Variants in KRR1 observed in about 807,000 individuals in gnomAD.
KRR1 encodes KRR1 small subunit processome component, also known as KRR1 small subunit processome component homolog.
A neutral mutation model predicts 50.0 loss-of-function variants in KRR1; 23 were observed. That is an observed-to-expected ratio of 0.46 (90% confidence interval 0.33 to 0.65). KRR1 has a LOEUF of 0.65. Among genes scored for constraint, KRR1 ranks in the 30% least tolerant of loss-of-function variants. The pLI is 0.02. For synonymous variants in KRR1, 133 were observed against 146.3 expected (o/e 0.91, Z 0.66); for missense variants, 419 against 442.4 (o/e 0.95, Z 0.47).
chr12:75,491,102 T>C lies in KRR1; in HGVS notation c.*8707A>G, dbSNP rs2046321265. 6.6e-6 allele frequency: 1 copy of C among 152,226 alleles called. No individual in the cohort carries two copies. The highest frequency in any genetic ancestry group is 1.5e-5 in the Non-Finnish European group (1 of 68,048). 9.4% of individuals were successfully genotyped at this position (152,226 alleles called of 1,614,324 possible). A position where few individuals can be genotyped will look rare whatever the true frequency, so the allele number is the denominator to read the frequency against. ...TCATACTGAAAATATACATTTTCTA[T>C]TTTTCACTTAAAATTATGCTGTGAA... On this transcript the variant is annotated 3_prime_UTR_variant, in exon 10 of 10. Coordinates refer to ENST00000229214, the MANE Select transcript of KRR1 (RefSeq NM_007043.7).
rs549613462 is a variant in KRR1, at chr12:75,495,849, C to T, written c.*3960G>A. On this transcript the variant is annotated 3_prime_UTR_variant, in exon 10 of 10. Transcript: ENST00000229214. ...AAGAGAAATTTAAATGTGAAAATCA[C>T]GTTCTTTTTATTTAGTTCTAATTGG... 9 of 410,412 alleles carry T rather than the reference C, an allele frequency of 2.2e-5. No homozygotes were observed. In the South Asian group the frequency reaches 5.0e-4, roughly 23 times the overall value. 25.4% of individuals were successfully genotyped at this position (410,412 alleles called of 1,614,324 possible). A position where few individuals can be genotyped will look rare whatever the true frequency, so the allele number is the denominator to read the frequency against.
chr12:75,498,871 A>AGAT lies in KRR1; in HGVS notation c.*935_*937dup, dbSNP rs764411297. ...AGGCTGGCCCATATATCCACGTAAC[A>AGAT]GATACACTTCTCTCTTTCTCATTGT... On this transcript the variant is annotated 3_prime_UTR_variant, in exon 10 of 10. Transcript: ENST00000229214. The AGAT allele has an allele frequency of 6.2e-7, 1 of 1,611,374 alleles. No homozygotes were observed. Among genetic ancestry groups the AGAT allele is most frequent in the Non-Finnish European group, 8.5e-7 (1 of 1,177,810 alleles).
In KRR1 at chr12:75,511,442, A is replaced by C. The variant is rs2046448367; in HGVS notation, c.85+71T>G. ...CTCCAGGTGGTTTTATAAGTCCACG[A>C]GGAACGAAAGAAAAAAACATCGCAA... On this transcript the variant is annotated intron_variant, in intron 1 of 9. Transcript: ENST00000229214. 3.0e-6 allele frequency: 4 copies of C among 1,340,178 alleles called. No individual in the cohort carries two copies. The African/African-American group carries it at 4.3e-5, about 14-fold the overall frequency. 83.0% of individuals were successfully genotyped at this position (1,340,178 alleles called of 1,614,324 possible). A position where few individuals can be genotyped will look rare whatever the true frequency, so the allele number is the denominator to read the frequency against.
intron 1 of KRR1, among the ~76,000 whole-genome samples, chr12:75,509,648 G>T (rs1349473255): frequency 1.3e-5 from 2 of 149,862 alleles, no homozygotes; most frequent in Admixed American, 1.3e-4. Context: ...GAGTGCAATG[G>T]CTCCATCCCA....
chr12:75,506,340 A>G lies in KRR1; in HGVS notation c.579T>C (p.Ile193=). 1 of 1,611,384 alleles carries G rather than the reference A, an allele frequency of 6.2e-7. No individual in the cohort carries two copies. The highest frequency in any genetic ancestry group is 8.5e-7 in the Non-Finnish European group (1 of 1,178,408). Residue 193 remains isoleucine, a synonymous_variant, in exon 5 of 10, where the codon ATT becomes ATC. Coordinates refer to ENST00000229214, the MANE Select transcript of KRR1 (RefSeq NM_007043.7). Reference sequence around the variant, plus strand: ...CCTCTTTTAAGCCACTAAAAGGTCCAATGGCTGAAACTGTGTTTCCCTGAA... The same window carrying G: ...CCTCTTTTAAGCCACTAAAAGGTCCGATGGCTGAAACTGTGTTTCCCTGAA... The part of the protein sequence containing the change: ...IMVQGNTVSA[I]GPFSGLKEVR...
chr12:75,498,697 ACC>A lies in KRR1; in HGVS notation c.*1110_*1111del. ...TTTCTTCCCCCTAACTTTACAGTTA[ACC>A]GACAGCGAGACCAAGTCAAACGTAC... On this transcript the variant is annotated 3_prime_UTR_variant, in exon 10 of 10. Transcript: ENST00000229214. 1.2e-6 allele frequency: 2 copies of A among 1,612,618 alleles called. No individual in the cohort carries two copies. Among genetic ancestry groups the A allele is most frequent in the Non-Finnish European group, 1.7e-6 (2 of 1,178,764 alleles).
intron 2 of KRR1, 35 bp from the exon 3 acceptor site, chr12:75,506,951 A>T: frequency 6.4e-7 from 1 of 1,551,522 alleles, no homozygotes; most frequent in Middle Eastern, 1.7e-4. Context: ...CAGTTGTCTA[A>T]AAATGAGTTT....
Position 75,498,605 on chromosome 12 carries a change from C to G in KRR1, c.*1204G>C. 9.6e-7 allele frequency: 1 copy of G among 1,038,380 alleles called. No homozygotes were observed. The highest frequency in any genetic ancestry group is 1.5e-6 in the Non-Finnish European group (1 of 677,024). The allele number at this position is 1,038,380 out of a possible 1,614,324, so 64.3% of individuals were successfully genotyped here. A position where few individuals can be genotyped will look rare whatever the true frequency, so the allele number is the denominator to read the frequency against. On this transcript the variant is annotated 3_prime_UTR_variant, in exon 10 of 10. Coordinates refer to ENST00000229214, the MANE Select transcript of KRR1 (RefSeq NM_007043.7). ...AATAAAGCCAAAGCAAGTTAATGGT[C>G]ATAATTATAAGACTTAGCTTTTTAA...
At chr12:75,501,627 A>AAAAG (rs2046394592) in intron 9 of KRR1, 96 bp downstream of exon 9, 2 of 773,918 alleles carry the variant, frequency 2.6e-6, no homozygotes, top group Non-Finnish European at 4.2e-6. Context: ...AGAACTGATG[A>AAAAG]AAAGATACAA....
Position 75,491,470 on chromosome 12 carries a change from A to G in KRR1, c.*8339T>C, listed in dbSNP as rs536805503. 15 of 152,260 alleles carry G rather than the reference A, an allele frequency of 9.9e-5. No individual in the cohort carries two copies. Among genetic ancestry groups the G allele is most frequent in the African/African-American group, 3.6e-4 (15 of 41,544 alleles). 9.4% of individuals were successfully genotyped at this position (152,260 alleles called of 1,614,324 possible). On this transcript the variant is annotated 3_prime_UTR_variant, in exon 10 of 10. Transcript: ENST00000229214. ...ATTTTCATTTAATATATGATGAACA[A>G]CCTCATATATGTATCTTCAGTCACT...
chr12:75,500,757 A>AGATAAAACATCAAAC (rs1566103096), intron 9 of KRR1: 2 of 152,046 alleles, frequency 1.3e-5, no homozygotes, highest in African/African-American at 4.8e-5. Flanking sequence ...AAGAATCATA[A>AGATAAAACATCAAAC]GATAAAACAT....
intron 7 of KRR1, chr12:75,502,789 TAAGTC>T (rs1319681364): frequency 6.6e-6 from 1 of 151,986 alleles, no homozygotes; most frequent in Admixed American, 6.6e-5. Flanking sequence ...AGAAGAAAGA[TAAGTC>T]AATTACTACA....
intron 9 of KRR1, 71 bp downstream of exon 9, chr12:75,501,652 G>A (rs2046394738): frequency 1.0e-6 from 1 of 1,000,526 alleles, no homozygotes; most frequent in African/African-American, 1.6e-5. Flanking sequence ...TTCTTAAAAA[G>A]ATTCAGACAA....
In KRR1 at chr12:75,508,448, T is replaced by C. The variant is rs1447343442; in HGVS notation, c.86-2A>G. ...GAACCGTAAGGAGTTCTGATTCATC[T>C]ACAGAAAGGAAAAAATTTACACATC... On this transcript the variant is annotated splice_acceptor_variant, in intron 1 of 9. Transcript: ENST00000229214. LOFTEE classifies it high-confidence loss of function. The C allele has an allele frequency of 3.2e-6, 5 of 1,584,932 alleles. No individual in the cohort carries two copies. The highest frequency in any genetic ancestry group is 3.4e-6 in the Non-Finnish European group (4 of 1,170,120).
chr12:75,502,647 C>T (rs2046402785), intron 7 of KRR1: 1 of 151,930 alleles, frequency 6.6e-6, no homozygotes, highest in Non-Finnish European at 1.5e-5. Flanking sequence ...TAGGTATTAC[C>T]ATTACTCCCA....
intron 9 of KRR1, 189 bp downstream of exon 9, chr12:75,501,534 G>GAAAT (rs1239909998): frequency 1.1e-5 from 6 of 559,636 alleles, no homozygotes; most frequent in Non-Finnish European, 1.9e-5. Context: ...AGTTTGCACT[G>GAAAT]AAATAGGCAT....
rs1339949973 is a variant in KRR1 at position 75,498,038 on chromosome 12, CCAGAT to C, written c.*1766_*1770del. Reference sequence around the variant, plus strand: ...GGGATGCTCACCAGTACCCAGAGGACCAGATGATTGATGGGTTCTACCACGAGCAT... The same window carrying C: ...GGGATGCTCACCAGTACCCAGAGGACGATTGATGGGTTCTACCACGAGCAT... On this transcript the variant is annotated 3_prime_UTR_variant, in exon 10 of 10. Coordinates refer to ENST00000229214, the MANE Select transcript of KRR1 (RefSeq NM_007043.7). The C allele has an allele frequency of 6.6e-6, 1 of 152,186 alleles. No homozygotes were observed. The highest frequency in any genetic ancestry group is 2.4e-5 in the African/African-American group (1 of 41,410). 9.4% of individuals were successfully genotyped at this position (152,186 alleles called of 1,614,324 possible).
In KRR1 at chr12:75,506,868, TACAA is replaced by T. The variant is rs1177591582; in HGVS notation, c.303_306del (p.Cys102LeufsTer17). The T allele has an allele frequency of 9.9e-6, 16 of 1,613,146 alleles. No individual in the cohort carries two copies. The Admixed American group carries it at 2.0e-4, about 20-fold the overall frequency. ...TATGGATCAAAAGTCTTCTTTGTAGTACAAACAGTCATGCTGCCTTCGATCAGGT... is the reference window on the plus strand; with the variant it reads ...TATGGATCAAAAGTCTTCTTTGTAGTACAGTCATGCTGCCTTCGATCAGGT... On this transcript the variant is annotated frameshift_variant, in exon 3 of 10. Transcript: ENST00000229214. LOFTEE classifies it high-confidence loss of function.
At position 75,506,124 on chromosome 12, in the gene KRR1, G is replaced by A. The variant is rs1292015248; in HGVS notation, c.603+192C>T. On this transcript the variant is annotated intron_variant, in intron 5 of 9. Transcript: ENST00000229214. Reference sequence around the variant, plus strand: ...AATGGATGTCTCCATAGTTGCCAAGGTTGGCCAAAACATGTTAGGGTCCAG... The same window carrying A: ...AATGGATGTCTCCATAGTTGCCAAGATTGGCCAAAACATGTTAGGGTCCAG... The A allele has an allele frequency of 1.1e-5, 5 of 450,698 alleles. No homozygotes were observed. In the East Asian group the frequency reaches 1.9e-4, roughly 17 times the overall value. 27.9% of individuals were successfully genotyped at this position (450,698 alleles called of 1,614,324 possible). A position where few individuals can be genotyped will look rare whatever the true frequency, so the allele number is the denominator to read the frequency against.
Sources: allele counts gnomAD v4.1 joint callset (sites outside exome capture counted in the v4.1 genomes callset), GRCh38; gene constraint gnomAD v4.1.1; transcripts MANE v1.5; gene names NCBI Gene and HGNC (gene_info 2026-07-23, HGNC 2026-07-21).